RBPJ: variants seen among roughly 807,000 people sequenced by gnomAD.
RBPJ encodes the protein recombining binding protein suppressor of hairless.
Under a neutral mutation model 67.8 loss-of-function variants are expected in RBPJ, and 9 were observed. The ratio of observed to expected loss-of-function variants is 0.13; its 90% confidence interval spans 0.08 to 0.23. The LOEUF (loss-of-function observed/expected upper bound fraction) is 0.23. Among genes scored for constraint, RBPJ ranks in the 10% least tolerant of loss-of-function variants. RBPJ has a pLI of 1.00. For synonymous variants in RBPJ, 198 were observed against 203.3 expected (o/e 0.97, Z 0.22); for missense variants, 305 against 595.6 (o/e 0.51, Z 5.08).
At chr4:26,341,787 T>C (rs553249292) in intron 1 of RBPJ, among the ~76,000 whole-genome samples, 18 of 152,198 alleles carry the variant, frequency 1.2e-4, no homozygotes, top group African/African-American at 4.3e-4. Flanking sequence ...CAGAGGTCTG[T>C]TGTAAAAGGA....
chr4:26,360,139 A>G (rs550376250), intron 1 of RBPJ, among the ~76,000 whole-genome samples: 2 of 152,338 alleles, frequency 1.3e-5, no homozygotes, highest in East Asian at 3.9e-4. Flanking sequence ...TTTGATGTAA[A>G]TACAATTCTC....
Position 26,430,411 on chromosome 4 carries a change from A to C in RBPJ, c.1045-8A>C. ...TTTCTCAGTGTTGTGATTTTCTGTG[A>C]ATTGCAGTTGAATGGCGGTGGGGAC... is the stretch of plus-strand genomic sequence containing the variant. On this transcript the variant is annotated splice_region_variant and splice_polypyrimidine_tract_variant and intron_variant, in intron 9 of 10. Coordinates refer to ENST00000355476, the MANE Select transcript of RBPJ (RefSeq NM_015874.6). This position sits in a 1 kb window ranked among gnomAD's most constrained non-coding sequence, Gnocchi z 4.1. The C allele has an allele frequency of 1.9e-6, 3 of 1,606,726 alleles. No individual in the cohort carries two copies. The highest frequency in any genetic ancestry group is 1.7e-6 in the Non-Finnish European group (2 of 1,173,858).
chr4:26,292,917 A>G (rs867607008), intron 1 of RBPJ, among the ~76,000 whole-genome samples: 2 of 150,626 alleles, frequency 1.3e-5, no homozygotes, highest in Non-Finnish European at 3.0e-5. Context: ...TAATGCTCCA[A>G]TGAACATGGG....
At chr4:26,282,134 C>CTTTTTTTTT (rs758435674) in intron 1 of RBPJ, among the ~76,000 whole-genome samples, 3 of 126,604 alleles carry the variant, frequency 2.4e-5, no homozygotes, top group African/African-American at 9.7e-5. Context: ...CTCTCTCTCT[C>CTTTTTTTTT]TCTTTTTTTT....
chr4:26,396,621 A>G (rs1311083519), intron 2 of RBPJ, among the ~76,000 whole-genome samples: 2 of 152,242 alleles, frequency 1.3e-5, no homozygotes, highest in Non-Finnish European at 2.9e-5. Flanking sequence ...TTGATGACCC[A>G]TTGCTCTCAA....
chr4:26,411,072 A>T (rs1237114843), intron 3 of RBPJ, among the ~76,000 whole-genome samples: 5 of 152,146 alleles, frequency 3.3e-5, no homozygotes, highest in East Asian at 1.9e-4. Context: ...CCCAAATTTT[A>T]AAAAATAGTC....
intron 1 of RBPJ, among the ~76,000 whole-genome samples, chr4:26,236,729 G>A (rs977623309): frequency 6.6e-6 from 1 of 152,210 alleles, no homozygotes; most frequent in African/African-American, 2.4e-5. Context: ...CTAACTCAAT[G>A]TGGATGGGAC....
chr4:26,188,012 G>A (rs1441165890), intron 1 of RBPJ, among the ~76,000 whole-genome samples: 6 of 152,120 alleles, frequency 3.9e-5, no homozygotes, highest in African/African-American at 1.4e-4. Context: ...GGGCAACAGA[G>A]CGAGACTCTG....
At chr4:26,165,638 AT>A (rs1716247590) in intron 1 of RBPJ, among the ~76,000 whole-genome samples, 1 of 152,132 alleles carries the variant, frequency 6.6e-6, no homozygotes, top group Non-Finnish European at 1.5e-5. Context: ...CTCACTTTAA[AT>A]TCCCATCATT....
intron 1 of RBPJ, among the ~76,000 whole-genome samples, chr4:26,215,209 A>T (rs866656607): frequency 1.8e-4 from 3 of 16,432 alleles, no homozygotes; most frequent in Non-Finnish European, 3.2e-4. Flanking sequence ...AGAGAGAGAA[A>T]GAAAGAGAAA....
At chr4:26,112,871 G>A in the RBPJ span, 1 of 145,466 alleles carries the variant, frequency 6.9e-6, no homozygotes, top group Non-Finnish European at 1.5e-5. Context: ...CGATTCTCTT[G>A]CCTCAGCCTC....
chr4:26,320,358 G>T (rs1039229379), upstream of RBPJ, among the ~76,000 whole-genome samples: 6 of 152,174 alleles, frequency 3.9e-5, no homozygotes, highest in African/African-American at 1.4e-4. Flanking sequence ...TTTTCCGCTT[G>T]AGGAGCTCTG....
intron 1 of RBPJ, among the ~76,000 whole-genome samples, chr4:26,216,786 G>A (rs778917871): frequency 3.9e-5 from 6 of 152,100 alleles, no homozygotes; most frequent in Non-Finnish European, 7.4e-5. Context: ...TTAGCTGGGT[G>A]TGGTGGTGCA....
intron 1 of RBPJ, among the ~76,000 whole-genome samples, chr4:26,341,186 A>G (rs1725486960): frequency 6.6e-6 from 1 of 152,212 alleles, no homozygotes; most frequent in Non-Finnish European, 1.5e-5. Context: ...AAATGAGAAA[A>G]CACTACAAAG....
chr4:26,169,784 G>A (rs111640223), intron 1 of RBPJ, among the ~76,000 whole-genome samples: 31,474 of 152,080 alleles, frequency 0.21, 4,322 homozygotes, highest in African/African-American at 0.39. Context: ...AATGGTGGGC[G>A]CCCCTCCCCC....
At chr4:26,135,174 A>G in the RBPJ span, among the ~76,000 whole-genome samples, 76,796 of 151,842 alleles carry the variant, frequency 0.51, 19,461 homozygotes, top group East Asian at 0.59. Context: ...CCACAGGGAG[A>G]CTTGGATTTA....
intron 1 of RBPJ, among the ~76,000 whole-genome samples, chr4:26,290,004 A>G (rs901198853): frequency 6.6e-6 from 1 of 150,688 alleles, no homozygotes; most frequent in Non-Finnish European, 1.5e-5. Flanking sequence ...GAGAGCAAGG[A>G]ATGCCAATAT....
At chr4:26,329,928 T>G (rs1374346754) in intron 1 of RBPJ, among the ~76,000 whole-genome samples, 1 of 151,780 alleles carries the variant, frequency 6.6e-6, no homozygotes, top group Non-Finnish European at 1.5e-5. Flanking sequence ...AGCTTGGTTC[T>G]GGTAATAGTA....
chr4:26,260,424 A>G (rs1720488282), intron 1 of RBPJ, among the ~76,000 whole-genome samples: 1 of 152,196 alleles, frequency 6.6e-6, no homozygotes, highest in South Asian at 2.1e-4. Context: ...ACTCAAAATT[A>G]GGCATGATAA....
Sources: allele counts gnomAD v4.1 joint callset (sites outside exome capture counted in the v4.1 genomes callset), GRCh38; gene constraint gnomAD v4.1.1; non-coding constraint Gnocchi (gnomAD v3.1); transcripts MANE v1.5; gene names NCBI Gene and HGNC (gene_info 2026-07-23, HGNC 2026-07-21).